ZC3H12B: variants seen among roughly 807,000 people sequenced by gnomAD.
The protein encoded by ZC3H12B is zinc finger CCCH-type containing 12B, also known as probable ribonuclease ZC3H12B.
A neutral mutation model predicts 43.9 loss-of-function variants in ZC3H12B; 7 were observed. That is an observed-to-expected ratio of 0.16 (90% CI 0.09 to 0.30). The LOEUF is 0.30. Among genes scored for constraint, ZC3H12B ranks in the 10% least tolerant of loss-of-function variants. The pLI, the probability that ZC3H12B is intolerant of heterozygous loss-of-function variation, is 1.00. For synonymous variants in ZC3H12B, 222 were observed against 241.7 expected (o/e 0.92, Z 0.76); for missense variants, 475 against 670.2 (o/e 0.71, Z 3.22).
chrX:65,181,918 T>C, the ZC3H12B span, among the ~76,000 whole-genome samples: 1 of 111,580 alleles, frequency 9.0e-6, no homozygotes, highest in Non-Finnish European at 1.9e-5. Context: ...ACCCAAAGGA[T>C]TATAAATCGT....
chrX:65,475,737 T>C (rs186112420), intron 3 of ZC3H12B, among the ~76,000 whole-genome samples: 242 of 112,185 alleles, frequency 2.2e-3, no homozygotes, highest in Non-Finnish European at 3.7e-3. Context: ...AGCAAAGTCA[T>C]GTCTTACATG....
At chrX:65,195,039 G>C in the ZC3H12B span, among the ~76,000 whole-genome samples, 2 of 104,622 alleles carry the variant, frequency 1.9e-5, no homozygotes, top group Admixed American at 2.1e-4. Context: ...TTTATTTTCA[G>C]TCTAGTGTGC....
At chrX:65,262,202 G>C in the ZC3H12B span, among the ~76,000 whole-genome samples, 1 of 110,924 alleles carries the variant, frequency 9.0e-6, no homozygotes, top group African/African-American at 3.3e-5. Flanking sequence ...TGATAACCAG[G>C]AAACTAACTG....
the ZC3H12B span, among the ~76,000 whole-genome samples, chrX:65,219,254 C>A: frequency 9.0e-6 from 1 of 111,679 alleles, no homozygotes; most frequent in Non-Finnish European, 1.9e-5. Flanking sequence ...GGTAATATGA[C>A]AAAACAAGGT....
At chrX:65,070,707 G>A in the ZC3H12B span, among the ~76,000 whole-genome samples, 2 of 110,178 alleles carry the variant, frequency 1.8e-5, no homozygotes, top group African/African-American at 6.6e-5. Flanking sequence ...AGTGGTTCAG[G>A]AGCCACTTGT....
intron 3 of ZC3H12B, among the ~76,000 whole-genome samples, chrX:65,457,562 G>A (rs1490004410): frequency 1.2e-5 from 1 of 85,383 alleles, no homozygotes; most frequent in Non-Finnish European, 2.0e-5. Context: ...CGTCTGGGAG[G>A]TGTGCCCAGC....
intron 3 of ZC3H12B, among the ~76,000 whole-genome samples, chrX:65,407,329 A>AT (rs1556131622): frequency 1.8e-5 from 2 of 108,165 alleles, no homozygotes; most frequent in Admixed American, 9.5e-5. Context: ...TCGGGCCCGG[A>AT]GGTTTGTGCA....
intron 2 of ZC3H12B, among the ~76,000 whole-genome samples, chrX:65,378,897 G>A (rs773170803): frequency 1.9e-4 from 21 of 112,528 alleles, no homozygotes; most frequent in South Asian, 1.5e-3. Flanking sequence ...GCGCTTTTCC[G>A]ATGGGCATAA....
At chrX:65,200,426 C>CTTTTTT in the ZC3H12B span, among the ~76,000 whole-genome samples, 3 of 59,620 alleles carry the variant, frequency 5.0e-5, no homozygotes, top group African/African-American at 9.1e-5. Context: ...ATAGTTTCCT[C>CTTTTTT]TTTTTTTTTT....
chrX:65,115,642 G>T, the ZC3H12B span, among the ~76,000 whole-genome samples: 1 of 111,430 alleles, frequency 9.0e-6, no homozygotes, highest in Non-Finnish European at 1.9e-5. Flanking sequence ...ACTGTTTTCC[G>T]TAGTGGTTCT....
At chrX:65,096,463 G>A in the ZC3H12B span, among the ~76,000 whole-genome samples, 4 of 112,153 alleles carry the variant, frequency 3.6e-5, no homozygotes, top group Admixed American at 9.5e-5. Context: ...AATGTAAGCA[G>A]AGACATGGAA....
chrX:65,204,993 T>A, the ZC3H12B span, among the ~76,000 whole-genome samples: 2 of 111,911 alleles, frequency 1.8e-5, no homozygotes, highest in African/African-American at 6.5e-5. Flanking sequence ...AAACTACTAT[T>A]CTTCCAGCCT....
At chrX:65,291,239 T>A in the ZC3H12B span, among the ~76,000 whole-genome samples, 59 of 110,951 alleles carry the variant, frequency 5.3e-4, 1 homozygote, top group African/African-American at 1.9e-3. Flanking sequence ...GTATGGAAAT[T>A]CCCCGACACA....
At chrX:65,229,262 T>A in the ZC3H12B span, among the ~76,000 whole-genome samples, 2 of 111,849 alleles carry the variant, frequency 1.8e-5, no homozygotes, top group Non-Finnish European at 3.8e-5. Flanking sequence ...TTGACAAACC[T>A]GAGTAAAACA....
the ZC3H12B span, among the ~76,000 whole-genome samples, chrX:65,153,315 A>C: frequency 8.9e-6 from 1 of 112,019 alleles, no homozygotes; most frequent in African/African-American, 3.2e-5. Context: ...AATGGGAGAA[A>C]ATTTTTGCAA....
At chrX:65,203,439 G>T in the ZC3H12B span, among the ~76,000 whole-genome samples, 2 of 110,786 alleles carry the variant, frequency 1.8e-5, no homozygotes, top group African/African-American at 6.5e-5. Context: ...TCTTCAGTCA[G>T]CAGGTAATGA....
At chrX:65,408,620 A>G in intron 3 of ZC3H12B, 1 of 1,109,141 alleles carries the variant, frequency 9.0e-7, no homozygotes, top group African/African-American at 1.8e-5. Context: ...CTTGGCAATA[A>G]AAGATGACAA....
the ZC3H12B span, among the ~76,000 whole-genome samples, chrX:65,347,280 C>T: frequency 9.0e-6 from 1 of 111,179 alleles, no homozygotes; most frequent in African/African-American, 3.3e-5. Flanking sequence ...AGACCCCATC[C>T]GAAGGTCACC....
the ZC3H12B span, among the ~76,000 whole-genome samples, chrX:65,142,190 G>C: frequency 8.9e-6 from 1 of 112,017 alleles, no homozygotes; most frequent in Non-Finnish European, 1.9e-5. Context: ...TTTGATTATA[G>C]CCATTCTTGC....
Sources: allele counts gnomAD v4.1 joint callset (sites outside exome capture counted in the v4.1 genomes callset), GRCh38; gene constraint gnomAD v4.1.1; transcripts MANE v1.5; gene names NCBI Gene and HGNC (gene_info 2026-07-23, HGNC 2026-07-21).